LRRTM4: variants seen among roughly 807,000 people sequenced by gnomAD.
The protein encoded by LRRTM4 is leucine rich repeat transmembrane neuronal 4, also known as leucine-rich repeat transmembrane neuronal protein 4.
A neutral mutation model predicts 47.6 loss-of-function variants in LRRTM4; 25 were observed. That is an observed-to-expected ratio of 0.53 (90% CI 0.38 to 0.73). The LOEUF (loss-of-function observed/expected upper bound fraction) is 0.73. LRRTM4 is among the 30% of genes least tolerant of loss of function. The probability of loss-of-function intolerance (pLI) is 0.00; values close to 1 mark genes in which losing one functional copy is unlikely to be tolerated. For synonymous variants in LRRTM4, 311 were observed against 269.5 expected, an observed-to-expected ratio of 1.15 and a Z score of -1.51; for missense variants, 638 against 713.4, an observed-to-expected ratio of 0.89 and a Z score of 1.20.
In LRRTM4 at chr2:76,786,422, C is replaced by A. The variant is rs1359415786; in HGVS notation, c.1552-37506G>T. Among the ~76,000 whole-genome samples the A allele has an allele frequency of 6.6e-5, 10 of 152,030 alleles. No individual in the cohort carries two copies. The East Asian group carries it at 1.9e-3, about 29-fold the overall frequency. On this transcript the variant is annotated intron_variant, in intron 3 of 3. Coordinates refer to ENST00000409884, the MANE Select transcript of LRRTM4 (RefSeq NM_001134745.3). ...AACATTTTTTTAACAGTATTTTTAT[C>A]TTTTCAGTTCTTATATAGCAATTCT... is the stretch of plus-strand genomic sequence containing the variant.
chr2:76,863,081 A>G (rs1487627450), intron 3 of LRRTM4, among the ~76,000 whole-genome samples: 6 of 152,146 alleles, frequency 3.9e-5, no homozygotes, highest in Non-Finnish European at 2.9e-5. Context: ...CATTGAAGAC[A>G]TTTTCCTCCC....
chr2:77,200,897 T>C (rs1673955117), intron 3 of LRRTM4, among the ~76,000 whole-genome samples: 1 of 152,130 alleles, frequency 6.6e-6, no homozygotes, highest in African/African-American at 2.4e-5. Context: ...TTTGGAATTC[T>C]GAACTCCACC....
intron 3 of LRRTM4, among the ~76,000 whole-genome samples, chr2:77,114,714 G>T (rs766724067): frequency 1.1e-4 from 16 of 152,124 alleles, no homozygotes; most frequent in Non-Finnish European, 1.6e-4. Context: ...GCCTCCGGGG[G>T]TGTCATCACA....
At chr2:76,819,974 A>G (rs564862086) in intron 3 of LRRTM4, among the ~76,000 whole-genome samples, 2 of 152,110 alleles carry the variant, frequency 1.3e-5, no homozygotes, top group South Asian at 4.1e-4. Context: ...CATCATAGCA[A>G]CAATGGCAGC....
At position 77,520,330 on chromosome 2, in the gene LRRTM4, A is replaced by G. The variant is rs568376093; in HGVS notation, c.5-466T>C. On this transcript the variant is annotated intron_variant, in intron 2 of 3. Transcript: ENST00000409884. ...CAAACAGGCTGTGATTTGGCAAAAGAGCTTCAGTAAGCTGTCAAGGTAACC... is the reference window on the plus strand; with the variant it reads ...CAAACAGGCTGTGATTTGGCAAAAGGGCTTCAGTAAGCTGTCAAGGTAACC... 9.2e-5 allele frequency among the ~76,000 whole-genome samples: 14 copies of G among 152,182 alleles called. No individual in the cohort carries two copies. The South Asian group carries it at 2.9e-3, about 32-fold the overall frequency.
chr2:77,391,028 T>G (rs1236812467), intron 3 of LRRTM4, among the ~76,000 whole-genome samples: 1 of 151,960 alleles, frequency 6.6e-6, no homozygotes, highest in Admixed American at 6.6e-5. Context: ...GGAGCTTATT[T>G]TTGGGGAGCA....
At chr2:76,866,214 G>C in intron 3 of LRRTM4, among the ~76,000 whole-genome samples, 1 of 152,146 alleles carries the variant, frequency 6.6e-6, no homozygotes, top group East Asian at 1.9e-4. Context: ...CCCTTTGAGA[G>C]TCACGAAACA....
Position 77,519,543 on chromosome 2 carries a change from C to G in LRRTM4, c.326G>C (p.Arg109Pro). 2.5e-6 allele frequency: 4 copies of G among 1,613,382 alleles called. No homozygotes were observed. The highest frequency in any genetic ancestry group is 1.3e-5 in the African/African-American group (1 of 74,988). The change falls in exon 3 of 4, where the codon CGT (arginine) becomes CCT (proline). Residue 109 changes from arginine to proline, a missense_variant. Coordinates refer to ENST00000409884, the MANE Select transcript of LRRTM4 (RefSeq NM_001134745.3). The surrounding 1 kb of genome is among the most constrained non-coding windows in gnomAD (Gnocchi z 4.6). The stretch of plus-strand genomic sequence containing the variant: ...GCTTAGAATTAATTCTTTCAGTCTA[C>G]GGATCCCTTGAAATGCATCTTCATC... ...SVDEDAFQGI[R>P]RLKELILSSN...
At chr2:77,213,518 C>T (rs1397313850) in intron 3 of LRRTM4, among the ~76,000 whole-genome samples, 2 of 151,958 alleles carry the variant, frequency 1.3e-5, no homozygotes, top group Admixed American at 6.6e-5. Flanking sequence ...TAGAGAAGTA[C>T]CTGGTACACA....
chr2:76,856,400 T>G (rs1409501257), intron 3 of LRRTM4, among the ~76,000 whole-genome samples: 1 of 152,216 alleles, frequency 6.6e-6, no homozygotes, highest in Non-Finnish European at 1.5e-5. Flanking sequence ...TTGAAGTGCC[T>G]GTTAAGAAGG....
At chr2:77,193,285 A>C (rs1403740951) in intron 3 of LRRTM4, among the ~76,000 whole-genome samples, 1 of 152,228 alleles carries the variant, frequency 6.6e-6, no homozygotes, top group Non-Finnish European at 1.5e-5. Context: ...TTTGCACAAC[A>C]AAATCACCAA....
chr2:77,019,910 A>T (rs1678206846), intron 3 of LRRTM4, among the ~76,000 whole-genome samples: 1 of 152,104 alleles, frequency 6.6e-6, no homozygotes, highest in Non-Finnish European at 1.5e-5. Context: ...AGAATGTCAA[A>T]CAAAATGTTA....
intron 3 of LRRTM4, among the ~76,000 whole-genome samples, chr2:77,453,181 T>TA (rs1676332011): frequency 7.1e-6 from 1 of 141,536 alleles, no homozygotes. Context: ...TCTTGATTTT[T>TA]TTTTTTTTTT....
intron 3 of LRRTM4, among the ~76,000 whole-genome samples, chr2:77,203,092 A>AAT (rs745851849): frequency 1.6e-4 from 24 of 151,370 alleles, no homozygotes; most frequent in Non-Finnish European, 2.5e-4. Context: ...CAGAGGAGTA[A>AAT]ATATATATAT....
chr2:77,188,678 T>A (rs1348619424), intron 3 of LRRTM4, among the ~76,000 whole-genome samples: 2 of 152,174 alleles, frequency 1.3e-5, no homozygotes, highest in Non-Finnish European at 2.9e-5. Context: ...ATGGAGACGA[T>A]AACATCTAAT....
chr2:77,397,625 G>C (rs1673753088), intron 3 of LRRTM4, among the ~76,000 whole-genome samples: 1 of 151,790 alleles, frequency 6.6e-6, no homozygotes, highest in African/African-American at 2.4e-5. Flanking sequence ...GCCCAAGAAT[G>C]TGATTTGCCT....
chr2:77,309,305 C>T (rs1046648877), intron 3 of LRRTM4, among the ~76,000 whole-genome samples: 1 of 152,024 alleles, frequency 6.6e-6, no homozygotes, highest in African/African-American at 2.4e-5. Flanking sequence ...ACTTAAGACT[C>T]AGGAAACGTG....
chr2:77,408,397 A>C (rs1674293383), intron 3 of LRRTM4, among the ~76,000 whole-genome samples: 1 of 152,208 alleles, frequency 6.6e-6, no homozygotes, highest in African/African-American at 2.4e-5. Context: ...ACAAAAGTGA[A>C]TTTTGAATCA....
intron 3 of LRRTM4, among the ~76,000 whole-genome samples, chr2:76,888,403 G>C (rs1673146001): frequency 6.6e-6 from 1 of 151,336 alleles, no homozygotes; most frequent in Non-Finnish European, 1.5e-5. Context: ...CACATACATA[G>C]ACATCTGAAA....
Sources: gnomAD v4.1 joint callset for allele counts (sites outside exome capture counted in the v4.1 genomes callset) on GRCh38, gnomAD v4.1.1 for gene constraint, Gnocchi (gnomAD v3.1) non-coding constraint, MANE v1.5 for transcripts, NCBI Gene and HGNC (gene_info 2026-07-23, HGNC 2026-07-21) for gene names.